Variants in UBR4 observed in about 807,000 individuals in gnomAD.
UBR4 encodes the protein E3 ubiquitin-protein ligase UBR4.
Under a neutral mutation model 575.6 loss-of-function variants are expected in UBR4, and 124 were observed. That is an observed-to-expected ratio of 0.22 (90% CI 0.19 to 0.25). The LOEUF is 0.25. Among genes scored for constraint, UBR4 ranks in the 10% least tolerant of loss-of-function variants. The probability of loss-of-function intolerance (pLI) is 1.00; values close to 1 mark genes in which losing one functional copy is unlikely to be tolerated. For synonymous variants in UBR4, 2,455 were observed against 2,473.7 expected, an observed-to-expected ratio of 0.99 and a Z score of 0.22; for missense variants, 4,818 against 6,478.8, an observed-to-expected ratio of 0.74 and a Z score of 8.80.
At chr1:19,187,418 T>C (rs991306283) in intron 12 of UBR4, 23 bp downstream of exon 12, 1 of 1,613,798 alleles carries the variant, frequency 6.2e-7, no homozygotes, top group Non-Finnish European at 8.5e-7. Context: ...ATATGCTGAT[T>C]ACCATGGGGA....
chr1:19,161,256 T>A, intron 37 of UBR4, 109 bp from the exon 38 acceptor site: 2 of 1,036,426 alleles, frequency 1.9e-6, no homozygotes, highest in Non-Finnish European at 2.8e-6. Context: ...TGGCTAAGCG[T>A]TTCAATGTTA....
chr1:19,188,099 T>C (rs1197377974), intron 11 of UBR4, among the ~76,000 whole-genome samples: 1 of 151,212 alleles, frequency 6.6e-6, no homozygotes, highest in Non-Finnish European at 1.5e-5. Flanking sequence ...AACTCCCAAA[T>C]GGAAAAATTT....
chr1:19,121,595 G>A (rs77738095), intron 67 of UBR4, among the ~76,000 whole-genome samples, 161 bp from the exon 68 acceptor site: 5,836 of 152,182 alleles, frequency 0.038, 162 homozygotes, highest in African/African-American at 0.07. Flanking sequence ...ACTTTCTGTG[G>A]AAATCTCTGA....
chr1:19,124,286 A>T (rs548422968), intron 65 of UBR4, among the ~76,000 whole-genome samples: 1 of 152,334 alleles, frequency 6.6e-6, no homozygotes, highest in South Asian at 2.1e-4. Context: ...CTAAATTATT[A>T]AACTTGCCCA....
Position 19,094,888 on chromosome 1 carries a change from G to A in UBR4, c.13746+18C>T, listed in dbSNP as rs761886499. On this transcript the variant is annotated intron_variant, in intron 94 of 105. Coordinates refer to ENST00000375254, the MANE Select transcript of UBR4 (RefSeq NM_020765.3). ...AGGCTCTCAGTGCCTGCAGATGGAG[G>A]GGCCGAGCCCCACTCACCTTGTCCT... 40 of 1,611,840 alleles carry A rather than the reference G, an allele frequency of 2.5e-5. No homozygotes were observed. The highest frequency in any genetic ancestry group is 2.9e-5 in the Non-Finnish European group (34 of 1,179,716).
At chr1:19,197,618 C>A (rs1000342128) in intron 7 of UBR4, 52 bp downstream of exon 7, 33 of 1,600,366 alleles carry the variant, frequency 2.1e-5, no homozygotes, top group Non-Finnish European at 2.6e-5. Context: ...CAGAACAAGA[C>A]CCTGTCCCAA....
rs558253029 is a variant in UBR4 at position 19,161,004 on chromosome 1, A to G, written c.5319T>C (p.Ser1773=). 6.8e-6 allele frequency: 11 copies of G among 1,613,944 alleles called. No homozygotes were observed. The highest frequency in any genetic ancestry group is 3.3e-5 in the Admixed American group (2 of 60,004). The stretch of plus-strand genomic sequence containing the variant: ...TCTCTTCGTCAGCAACCTTTCCATC[A>G]CTGATGGTAACCTTGGCTTTGTCAG... ...SPADKAKVTI[S]DGKVADEEKP... is the part of the protein sequence containing the mutation. The change falls in exon 38 of 106, where the codon AGT becomes AGC. Residue 1773 remains serine (S), a synonymous_variant. Transcript: ENST00000375254.
intron 48 of UBR4, 95 bp downstream of exon 48, chr1:19,151,548 G>A (rs540441815): frequency 2.0e-5 from 26 of 1,329,444 alleles, no homozygotes; most frequent in Non-Finnish European, 8.7e-6. Context: ...CAGCAGAGTG[G>A]AGAGATCCCA....
In UBR4 at chr1:19,106,377, T is replaced by C. The variant is rs567825188; in HGVS notation, c.12393+192A>G. ...TAAGATAAGCAGAGGAAGTTCTGTT[T>C]CGGCCAGTCCACCATGCTAGCCCAA... On this transcript the variant is annotated intron_variant, in intron 83 of 105. Transcript: ENST00000375254. Among the ~76,000 whole-genome samples the C allele has an allele frequency of 1.1e-4, 17 of 152,264 alleles. No individual in the cohort carries two copies. The South Asian group carries it at 3.3e-3, about 30-fold the overall frequency.
At position 19,100,250 on chromosome 1, in the gene UBR4, G is replaced by T; in HGVS notation, c.13221+126C>A. ...TGGGAATCATTAACCCCAACTTACA[G>T]AGTGGAGAAACTGAAGGCCACCTGC... On this transcript the variant is annotated intron_variant, in intron 89 of 105. Transcript: ENST00000375254. This position sits in a 1 kb window ranked among gnomAD's most constrained non-coding sequence, Gnocchi z 4.2. 1.0e-6 allele frequency: 1 copy of T among 961,408 alleles called. No individual in the cohort carries two copies. The highest frequency in any genetic ancestry group is 1.6e-6 in the Non-Finnish European group (1 of 622,400). The allele number at this position is 961,408 out of a possible 1,614,324, so 59.6% of individuals were successfully genotyped here.
intron 51 of UBR4, among the ~76,000 whole-genome samples, chr1:19,147,497 T>C (rs2085031687): frequency 6.6e-6 from 1 of 152,176 alleles, no homozygotes; most frequent in South Asian, 2.1e-4. Context: ...TCTACAGAAA[T>C]TGGCCCAGTT....
chr1:19,147,534 T>G (rs1444297937), intron 51 of UBR4, among the ~76,000 whole-genome samples: 1 of 152,208 alleles, frequency 6.6e-6, no homozygotes, highest in Non-Finnish European at 1.5e-5. Context: ...GCCTTTCTTT[T>G]ATAAGTGATA....
chr1:19,146,068 T>A (rs2084821472), intron 52 of UBR4, 135 bp from the exon 53 acceptor site: 11 of 1,565,648 alleles, frequency 7.0e-6, no homozygotes, highest in Non-Finnish European at 9.5e-6. Flanking sequence ...ATGCCAACTA[T>A]CCCTAGACTC....
chr1:19,154,923 G>A lies in UBR4; in HGVS notation c.6453C>T (p.Ile2151=). The change falls in exon 44 of 106, where the codon ATC becomes ATT. Residue 2151 remains isoleucine, a synonymous_variant. Coordinates refer to ENST00000375254, the MANE Select transcript of UBR4 (RefSeq NM_020765.3). The part of the protein sequence containing the change: ...LEVLQLFPIN[I]KSSNGGSKTS... ...CATTAAATGTTCATTCCCACCTTTT[G>A]ATGTTGATGGGGAAGAGTTGCAACA... 17 of 1,614,192 alleles carry A rather than the reference G, an allele frequency of 1.1e-5. No individual in the cohort carries two copies. Among genetic ancestry groups the A allele is most frequent in the Non-Finnish European group, 1.4e-5 (17 of 1,180,014 alleles).
At chr1:19,148,668 C>T in intron 49 of UBR4, 42 bp from the exon 50 acceptor site, 1 of 1,610,232 alleles carries the variant, frequency 6.2e-7, no homozygotes, top group Non-Finnish European at 8.5e-7. Context: ...ACACCGTTCT[C>T]TCCGCCTTGC....
chr1:19,094,284 TAACA>T (rs1187811493), intron 94 of UBR4, 145 bp from the exon 95 acceptor site: 3 of 602,692 alleles, frequency 5.0e-6, no homozygotes, highest in South Asian at 2.4e-5. Context: ...TCTTGGGGAA[TAACA>T]AACAGTCGGA....
chr1:19,169,025 G>A (rs1167263154), intron 27 of UBR4, among the ~76,000 whole-genome samples: 2 of 149,962 alleles, frequency 1.3e-5, no homozygotes, highest in Non-Finnish European at 3.0e-5. Flanking sequence ...GCCTAGAGAA[G>A]CTAAAAGCGA....
At position 19,113,837 on chromosome 1, in the gene UBR4, C is replaced by T; in HGVS notation, c.11329-10G>A. 1.2e-6 allele frequency: 2 copies of T among 1,614,144 alleles called. No individual in the cohort carries two copies. The highest frequency in any genetic ancestry group is 1.7e-6 in the Non-Finnish European group (2 of 1,180,000). ...CTGTTCCTGAGTCATCCTGCAACCC[C>T]AAGAGGTAAGCTGTCAGGCTCCCCA... On this transcript the variant is annotated splice_polypyrimidine_tract_variant and intron_variant, in intron 76 of 105. Transcript: ENST00000375254.
chr1:19,197,251 A>G lies in UBR4; in HGVS notation c.908T>C (p.Val303Ala). The G allele has an allele frequency of 1.9e-6, 3 of 1,614,206 alleles. No homozygotes were observed. The highest frequency in any genetic ancestry group is 8.5e-7 in the Non-Finnish European group (1 of 1,180,024). Reference protein sequence around the residue: ...TAVRNGFHSLVIDVTMALDTL... With the variant: ...TAVRNGFHSLAIDVTMALDTL... ...ATCCAATGCCATAGTTACATCAATC[A>G]CCAATGAATGAAAGCTGGAACATGA... Residue 303 changes from valine (V) to alanine (A), a missense_variant, in exon 8 of 106, where the codon GTG (valine) becomes GCG (alanine). Coordinates refer to ENST00000375254, the MANE Select transcript of UBR4 (RefSeq NM_020765.3).
Sources: allele counts gnomAD v4.1 joint callset (sites outside exome capture counted in the v4.1 genomes callset), GRCh38; gene constraint gnomAD v4.1.1; non-coding constraint Gnocchi (gnomAD v3.1); transcripts MANE v1.5; gene names NCBI Gene and HGNC (gene_info 2026-07-23, HGNC 2026-07-21).